Variants in SORT1 observed in about 807,000 individuals in gnomAD.
SORT1 encodes the protein sortilin 1.
Under a neutral mutation model 101.7 loss-of-function variants are expected in SORT1, and 39 were observed. The observed-to-expected ratio is 0.38, with a 90% confidence interval of 0.30 to 0.50. The LOEUF (loss-of-function observed/expected upper bound fraction) is 0.50. SORT1 is among the 20% of genes least tolerant of loss of function. The pLI is 0.90. For missense variants in SORT1, 878 were observed against 1,040.4 expected (o/e 0.84, Z 2.15); for synonymous variants, 396 against 393.7 (o/e 1.01, Z -0.07).
At chr1:109,336,498 G>A (rs566331101) in intron 10 of SORT1, 152 bp from the exon 11 acceptor site, 6 of 620,648 alleles carry the variant, frequency 9.7e-6, no homozygotes, top group African/African-American at 1.8e-5. Flanking sequence ...TGTTGGTAAC[G>A]GAGCAGCACT....
chr1:109,345,620 CCTAA>C, intron 8 of SORT1, 127 bp downstream of exon 8: 1 of 838,416 alleles, frequency 1.2e-6, no homozygotes, highest in South Asian at 1.9e-5. Flanking sequence ...AAGAATCACC[CCTAA>C]CACTCACAGT....
rs186775020 is a variant in SORT1 at position 109,339,803 on chromosome 1, C to G, written c.1264+921G>C. On this transcript the variant is annotated intron_variant, in intron 10 of 19. Transcript: ENST00000256637. The stretch of plus-strand genomic sequence containing the variant: ...GTATAACAATGTTCATGGCAGCATT[C>G]AGTATTCATAAGAGCTGAAAATGGA... Among the ~76,000 whole-genome samples, 216 of 152,240 alleles carry G rather than the reference C, an allele frequency of 1.4e-3. 2 individuals are homozygous for G. Among genetic ancestry groups the G allele is most frequent in the Non-Finnish European group, 5.9e-5 (4 of 67,998 alleles).
At position 109,313,193 on chromosome 1, in the gene SORT1, C is replaced by G. The variant is rs1658824874; in HGVS notation, c.*850G>C. On this transcript the variant is annotated 3_prime_UTR_variant, in exon 20 of 20. Transcript: ENST00000256637. The stretch of plus-strand genomic sequence containing the variant: ...GGGCAGACTTCCAGCTAAGTTTGTA[C>G]CCTGTCCTTGCGTAAGTCTACTGGC... The G allele has an allele frequency of 6.6e-6, 1 of 152,426 alleles. No homozygotes were observed. The highest frequency in any genetic ancestry group is 1.5e-5 in the Non-Finnish European group (1 of 68,024). 9.4% of individuals were successfully genotyped at this position (152,426 alleles called of 1,614,324 possible). A position where few individuals can be genotyped will look rare whatever the true frequency, so the allele number is the denominator to read the frequency against.
At chr1:109,327,419 A>G (rs1370908004) in intron 12 of SORT1, 80 bp downstream of exon 12, 12 of 865,874 alleles carry the variant, frequency 1.4e-5, no homozygotes, top group East Asian at 2.5e-5. Context: ...TTCTTCTCAG[A>G]GCGTTCAAAG....
At chr1:109,379,488 T>C (rs1205833410) in intron 1 of SORT1, among the ~76,000 whole-genome samples, 1 of 152,174 alleles carries the variant, frequency 6.6e-6, no homozygotes, top group Non-Finnish European at 1.5e-5. Context: ...CAGCTAAACG[T>C]ATGATCTAGA....
In SORT1 at chr1:109,331,953, A is replaced by C. The variant is rs546861273; in HGVS notation, c.1371+4287T>G. On this transcript the variant is annotated intron_variant, in intron 11 of 19. Coordinates refer to ENST00000256637, the MANE Select transcript of SORT1 (RefSeq NM_002959.7). ...ACAAGAAAAAAACTTAAAAAAAAAA[A>C]ACAAAAAAAACTTAGGGATAAATTT... Among the ~76,000 whole-genome samples, 12 of 151,798 alleles carry C rather than the reference A, an allele frequency of 7.9e-5. No homozygotes were observed. In the East Asian group the frequency reaches 1.5e-3, roughly 20 times the overall value.
chr1:109,323,853 G>A (rs1412320623), intron 14 of SORT1, among the ~76,000 whole-genome samples: 1 of 152,194 alleles, frequency 6.6e-6, no homozygotes, highest in African/African-American at 2.4e-5. Context: ...CTGCTGAGGG[G>A]AGAACTCCCA....
At chr1:109,376,202 C>T (rs1274741186) in intron 1 of SORT1, among the ~76,000 whole-genome samples, 3 of 151,662 alleles carry the variant, frequency 2.0e-5, no homozygotes, top group Admixed American at 2.0e-4. Context: ...TGGCGGCGGG[C>T]GCCTGTAGTC....
chr1:109,326,693 C>A (rs945597319), intron 13 of SORT1: 14 of 199,594 alleles, frequency 7.0e-5, no homozygotes, highest in African/African-American at 3.0e-4. Context: ...TGGCCTCAAG[C>A]GATCCTCCTG....
At chr1:109,320,627 G>A (rs1647562669) in intron 15 of SORT1, among the ~76,000 whole-genome samples, 1 of 152,130 alleles carries the variant, frequency 6.6e-6, no homozygotes. Flanking sequence ...CCTCAACAAG[G>A]CCTTCTTTGA....
intron 18 of SORT1, 135 bp from the exon 19 acceptor site, chr1:109,314,519 T>C (rs1457019500): frequency 4.1e-6 from 5 of 1,217,176 alleles, no homozygotes; most frequent in African/African-American, 1.5e-5. Flanking sequence ...GGTTGACATA[T>C]GAAAAATGTA....
At chr1:109,385,048 A>G (rs1235369811) in intron 1 of SORT1, among the ~76,000 whole-genome samples, 1 of 152,176 alleles carries the variant, frequency 6.6e-6, no homozygotes, top group Non-Finnish European at 1.5e-5. Flanking sequence ...ACTGCACTCC[A>G]GCCTGGACAA....
chr1:109,340,214 T>C (rs1040970395), intron 10 of SORT1, among the ~76,000 whole-genome samples: 17 of 150,724 alleles, frequency 1.1e-4, no homozygotes, highest in African/African-American at 4.1e-4. Flanking sequence ...GAATATATTC[T>C]AGTCTTAAAA....
rs547998663 is a variant in SORT1, at chr1:109,311,174, A to G, written c.*2869T>C. The G allele has an allele frequency of 2.6e-4, 40 of 152,356 alleles. No homozygotes were observed. The highest frequency in any genetic ancestry group is 6.5e-4 in the Admixed American group (10 of 15,298). 9.4% of individuals were successfully genotyped at this position (152,356 alleles called of 1,614,324 possible). A position where few individuals can be genotyped will look rare whatever the true frequency, so the allele number is the denominator to read the frequency against. On this transcript the variant is annotated 3_prime_UTR_variant, in exon 20 of 20. Coordinates refer to ENST00000256637, the MANE Select transcript of SORT1 (RefSeq NM_002959.7). ...TGGTCTCACTAAAGCCCAATGCCCA[A>G]TTAGGTCCAGAGAAGAAAGAAGAGT... is the stretch of plus-strand genomic sequence containing the variant.
intron 1 of SORT1, among the ~76,000 whole-genome samples, chr1:109,377,176 T>G (rs1651915289): frequency 6.6e-6 from 1 of 152,232 alleles, no homozygotes; most frequent in African/African-American, 2.4e-5. Flanking sequence ...TATATGTACA[T>G]GTAAACTATA....
intron 11 of SORT1, among the ~76,000 whole-genome samples, chr1:109,335,018 A>T (rs1377498749): frequency 6.6e-6 from 1 of 152,146 alleles, no homozygotes; most frequent in Non-Finnish European, 1.5e-5. Context: ...CTCTAACTGG[A>T]TGGTCACTGA....
At chr1:109,330,158 G>A (rs1192884694) in intron 11 of SORT1, among the ~76,000 whole-genome samples, 3 of 152,122 alleles carry the variant, frequency 2.0e-5, no homozygotes, top group African/African-American at 4.8e-5. Flanking sequence ...CCGCTGCCAC[G>A]CCCAGCTATT....
chr1:109,345,701 G>C (rs1252947890), intron 8 of SORT1, 50 bp downstream of exon 8: 3 of 1,517,460 alleles, frequency 2.0e-6, no homozygotes, highest in African/African-American at 2.8e-5. Flanking sequence ...ATCTATACGA[G>C]AGATATTTGC....
At chr1:109,394,666 C>T (rs2100937319) in intron 1 of SORT1, among the ~76,000 whole-genome samples, 1 of 152,310 alleles carries the variant, frequency 6.6e-6, no homozygotes, top group South Asian at 2.1e-4. Context: ...GCTTTTCATT[C>T]TCCAGTCTGA....
Sources: gnomAD v4.1 joint callset for allele counts (sites outside exome capture counted in the v4.1 genomes callset) on GRCh38, gnomAD v4.1.1 for gene constraint, MANE v1.5 for transcripts, NCBI Gene and HGNC (gene_info 2026-07-23, HGNC 2026-07-21) for gene names.